Variants in CEP57L1 observed in about 807,000 individuals in gnomAD.
CEP57L1 encodes the protein centrosomal protein CEP57L1.
Under a neutral mutation model 61.0 loss-of-function variants are expected in CEP57L1, and 37 were observed. The ratio of observed to expected loss-of-function variants is 0.61; its 90% CI spans 0.47 to 0.80. The LOEUF (loss-of-function observed/expected upper bound fraction) is 0.80, where lower values mean the gene tolerates loss of function less well. Ranked by LOEUF, CEP57L1 falls within the 30% of genes least tolerant of loss-of-function variation. The pLI is 0.00. For missense variants in CEP57L1, 422 were observed against 524.7 expected, an observed-to-expected ratio of 0.80 and a Z score of 1.91; for synonymous variants, 137 against 162.3, an observed-to-expected ratio of 0.84 and a Z score of 1.19.
intron 1 of CEP57L1, among the ~76,000 whole-genome samples, chr6:109,125,183 C>T (rs1406411019): frequency 6.6e-6 from 1 of 152,064 alleles, no homozygotes; most frequent in Non-Finnish European, 1.5e-5. Flanking sequence ...TGCTATGATG[C>T]TATCCTTGAG....
chr6:109,096,067 C>T (rs1284952474), intron 1 of CEP57L1, among the ~76,000 whole-genome samples: 1 of 152,104 alleles, frequency 6.6e-6, no homozygotes, highest in Non-Finnish European at 1.5e-5. Flanking sequence ...TTTAAGGATA[C>T]AGCAGGAAAA....
At chr6:109,137,561 A>G (rs887238757) in intron 1 of CEP57L1, among the ~76,000 whole-genome samples, 1 of 152,190 alleles carries the variant, frequency 6.6e-6, no homozygotes, top group African/African-American at 2.4e-5. Context: ...TGGCCTCCCA[A>G]AGTGCTGGGA....
At chr6:109,160,490 T>TG in intron 9 of CEP57L1, 82 bp from the exon 10 acceptor site, 1 of 1,123,860 alleles carries the variant, frequency 8.9e-7, no homozygotes, top group East Asian at 2.7e-5. Flanking sequence ...AATTTATGAT[T>TG]GAACAGAAAA....
chr6:109,170,597 C>T lies in CEP57L1; in HGVS notation c.*7627C>T, dbSNP rs1035921247. Among the ~76,000 whole-genome samples the T allele has an allele frequency of 1.3e-5, 2 of 152,138 alleles. No individual in the cohort carries two copies. The highest frequency in any genetic ancestry group is 6.5e-5 in the Admixed American group (1 of 15,274). On this transcript the variant is annotated 3_prime_UTR_variant, in exon 11 of 11. Coordinates refer to ENST00000517392, the MANE Select transcript of CEP57L1 (RefSeq NM_001271852.3). ...TATTTCACTCTTCATCACTGTAGAT[C>T]CGTTTAACTTTACAAATGTGTTATT...
Position 109,159,351 on chromosome 6 carries a change from C to T in CEP57L1, c.905C>T (p.Thr302Ile), listed in dbSNP as rs555480044. The T allele has an allele frequency of 5.2e-4, 838 of 1,614,106 alleles. 10 individuals carry two copies. In the South Asian group the frequency reaches 7.2e-3, roughly 14 times the overall value. ...AGATGTCTCCCCAAGCCTTCTAGAACAACTTCCTGGTGTAAAGCTATTCCT... is the reference window on the plus strand; with the variant it reads ...AGATGTCTCCCCAAGCCTTCTAGAATAACTTCCTGGTGTAAAGCTATTCCT... Reference protein sequence around the residue: ...ETRCLPKPSRTTSWCKAIPPD... With the variant: ...ETRCLPKPSRITSWCKAIPPD... The change falls in exon 9 of 11, where the codon ACA becomes ATA. Residue 302 changes from threonine (T) to isoleucine (I), a missense_variant. Physicochemically the swap from Thr to Ile is moderately conservative, Grantham distance 89 (BLOSUM62 -1). Transcript: ENST00000517392.
chr6:109,149,561 C>T (rs1433292982), intron 3 of CEP57L1, among the ~76,000 whole-genome samples: 1 of 151,100 alleles, frequency 6.6e-6, no homozygotes, highest in Non-Finnish European at 1.5e-5. Context: ...GTGATGCCTC[C>T]AGCTTTGTTC....
intron 1 of CEP57L1, among the ~76,000 whole-genome samples, chr6:109,127,168 C>T (rs950531665): frequency 2.0e-5 from 3 of 151,816 alleles, no homozygotes; most frequent in African/African-American, 7.3e-5. Context: ...CCGTCTCAAA[C>T]AAAACAAAAC....
At chr6:109,116,120 A>T (rs1402542364) in intron 1 of CEP57L1, among the ~76,000 whole-genome samples, 64 of 136,356 alleles carry the variant, frequency 4.7e-4, no homozygotes, top group South Asian at 1.6e-3. Flanking sequence ...ATTTTATGTT[A>T]TGTGTTGTGT....
At chr6:109,115,766 C>T (rs1330321700) in intron 1 of CEP57L1, among the ~76,000 whole-genome samples, 1 of 152,136 alleles carries the variant, frequency 6.6e-6, no homozygotes, top group Non-Finnish European at 1.5e-5. Context: ...AGCCAAGTCA[C>T]CCAATCTTTT....
At chr6:109,125,725 T>C (rs552200129) in intron 1 of CEP57L1, among the ~76,000 whole-genome samples, 1 of 151,600 alleles carries the variant, frequency 6.6e-6, no homozygotes, top group South Asian at 2.1e-4. Flanking sequence ...GATTGATTGA[T>C]TGATTGATAG....
intron 1 of CEP57L1, among the ~76,000 whole-genome samples, chr6:109,137,226 T>G (rs553201061): frequency 6.6e-6 from 1 of 152,338 alleles, no homozygotes; most frequent in Admixed American, 6.5e-5. Flanking sequence ...TTTGTTTTAT[T>G]TACTAAGTTA....
intron 1 of CEP57L1, among the ~76,000 whole-genome samples, chr6:109,142,946 GCTCTCTCTCT>G (rs35714375): frequency 0.043 from 2,376 of 55,254 alleles, 44 homozygotes; most frequent in East Asian, 0.071. Context: ...TGTCTCTCTT[GCTCTCTCTCT>G]CTCTCTCTCT....
At position 109,163,619 on chromosome 6, in the gene CEP57L1, A is replaced by G. The variant is rs1773901835; in HGVS notation, c.*649A>G. On this transcript the variant is annotated 3_prime_UTR_variant, in exon 11 of 11. Transcript: ENST00000517392. ...ACTAGTTTTTTTTAAAAAATCAATG[A>G]TCAATTTTATCTTACTACTTTATAA... 1.3e-5 allele frequency: 2 copies of G among 152,076 alleles called. No homozygotes were observed. The highest frequency in any genetic ancestry group is 2.4e-5 in the African/African-American group (1 of 41,414). The allele number at this position is 152,076 out of a possible 1,614,324, so 9.4% of individuals were successfully genotyped here. A position where few individuals can be genotyped will look rare whatever the true frequency, so the allele number is the denominator to read the frequency against.
intron 1 of CEP57L1, among the ~76,000 whole-genome samples, chr6:109,095,843 G>A (rs981292802): frequency 1.3e-5 from 2 of 152,194 alleles, no homozygotes; most frequent in Non-Finnish European, 2.9e-5. Flanking sequence ...CTGGAGCTTC[G>A]CGCTGCTGCC....
intron 1 of CEP57L1, among the ~76,000 whole-genome samples, chr6:109,136,651 C>G (rs1345696359): frequency 6.6e-6 from 1 of 151,246 alleles, no homozygotes; most frequent in Non-Finnish European, 1.5e-5. Context: ...ATGAGGGTCA[C>G]ACAGCGGTGC....
chr6:109,130,703 A>C (rs1774089265), intron 1 of CEP57L1: 1 of 123,854 alleles, frequency 8.1e-6, no homozygotes, highest in East Asian at 2.2e-4. Context: ...AACACTTTTC[A>C]TTTGTTGTTT....
intron 1 of CEP57L1, among the ~76,000 whole-genome samples, chr6:109,119,446 C>A (rs1050501046): frequency 6.6e-6 from 1 of 152,052 alleles, no homozygotes; most frequent in Non-Finnish European, 1.5e-5. Context: ...TACGTGTTGA[C>A]CTCCTCAGGA....
intron 1 of CEP57L1, among the ~76,000 whole-genome samples, chr6:109,096,692 T>G (rs1277053144): frequency 6.6e-6 from 1 of 152,256 alleles, no homozygotes; most frequent in Admixed American, 6.5e-5. Flanking sequence ...TTCAAAAGCC[T>G]TGTTACATTC....
rs113196553 is a variant in CEP57L1, at chr6:109,160,595, A to G, written c.1040A>G (p.Gln347Arg). The G allele has an allele frequency of 4.4e-6, 7 of 1,607,918 alleles. No individual in the cohort carries two copies. The African/African-American group carries it at 5.4e-5, about 12-fold the overall frequency. Residue 347 changes from glutamine to arginine, a missense_variant, in exon 10 of 11, where the codon CAA becomes CGA. By Grantham distance (43) the Gln-to-Arg change is conservative (BLOSUM62 1). Coordinates refer to ENST00000517392, the MANE Select transcript of CEP57L1 (RefSeq NM_001271852.3). ...AGGGAGCACCAAGAACTACTGAAACAAATGAAGGAAACTGAAAGTCATTCA... is the reference window on the plus strand; with the variant it reads ...AGGGAGCACCAAGAACTACTGAAACGAATGAAGGAAACTGAAAGTCATTCA... ...MSMEHQELLKQMKETESHSVC... is the reference protein window; with the variant it reads ...MSMEHQELLKRMKETESHSVC...
Sources: allele counts gnomAD v4.1 joint callset (sites outside exome capture counted in the v4.1 genomes callset), GRCh38; gene constraint gnomAD v4.1.1; transcripts MANE v1.5; gene names NCBI Gene and HGNC (gene_info 2026-07-23, HGNC 2026-07-21).